The following LPP variants were observed in gnomAD, a reference collection of about 807,000 sequenced individuals.
LPP encodes the protein LIM domain containing preferred translocation partner in lipoma.
LPP carries 38 observed loss-of-function variants against 60.4 expected under a neutral mutation model. The observed-to-expected ratio is 0.63, with a 90% CI of 0.49 to 0.83. The LOEUF (loss-of-function observed/expected upper bound fraction) is 0.83. LPP is among the 40% of genes least tolerant of loss of function. The pLI, the probability that LPP is intolerant of heterozygous loss-of-function variation, is 0.00. For missense variants in LPP, 902 were observed against 783.6 expected, an observed-to-expected ratio of 1.15 and a Z score of -1.80; for synonymous variants, 328 against 290.8, an observed-to-expected ratio of 1.13 and a Z score of -1.30.
intron 4 of LPP, among the ~76,000 whole-genome samples, chr3:188,464,620 T>C (rs1012856308): frequency 6.6e-6 from 1 of 152,170 alleles, no homozygotes; most frequent in African/African-American, 2.4e-5. Flanking sequence ...CATTCAGATA[T>C]CACGTTTTAA....
chr3:188,732,716 CAAAAAAAAAA>C (rs1167795146), intron 8 of LPP, among the ~76,000 whole-genome samples: 1 of 74,318 alleles, frequency 1.3e-5, no homozygotes, highest in African/African-American at 5.6e-5. Context: ...AGACTCTTAT[CAAAAAAAAAA>C]AAAAAAAAAA....
intron 5 of LPP, among the ~76,000 whole-genome samples, chr3:188,494,541 G>A (rs554419420): frequency 6.6e-6 from 1 of 152,022 alleles, no homozygotes; most frequent in African/African-American, 2.4e-5. Flanking sequence ...AAAGAGCCTT[G>A]CCCCACCCCT....
intron 4 of LPP, among the ~76,000 whole-genome samples, chr3:188,432,943 G>T (rs1032449598): frequency 1.3e-5 from 2 of 152,144 alleles, no homozygotes; most frequent in Admixed American, 6.6e-5. Context: ...GGACCTTTAA[G>T]GTATTCTGCC....
chr3:188,399,553 T>G (rs572889623), intron 3 of LPP, among the ~76,000 whole-genome samples: 23 of 152,330 alleles, frequency 1.5e-4, no homozygotes, highest in African/African-American at 5.3e-4. Context: ...TATCATTCAT[T>G]TATTCAGTGC....
intron 7 of LPP, among the ~76,000 whole-genome samples, chr3:188,634,478 C>A (rs968664845): frequency 6.6e-6 from 1 of 152,194 alleles, no homozygotes; most frequent in African/African-American, 2.4e-5. Flanking sequence ...CTCTACCAGT[C>A]CGTGACCTGT....
chr3:188,190,433 A>C (rs1727840415), intron 1 of LPP, among the ~76,000 whole-genome samples: 1 of 152,114 alleles, frequency 6.6e-6, no homozygotes, highest in African/African-American at 2.4e-5. Flanking sequence ...GGCTGCTGGT[A>C]AGTGAGGGAG....
intron 7 of LPP, among the ~76,000 whole-genome samples, chr3:188,675,078 C>CA (rs5855217): frequency 0.99 from 150,783 of 152,322 alleles, 74,640 homozygotes; most frequent in East Asian, 1. Flanking sequence ...GAAATTTCTC[C>CA]CACAGCATTA....
chr3:188,489,298 C>G (rs1807606621), intron 5 of LPP, among the ~76,000 whole-genome samples: 1 of 152,102 alleles, frequency 6.6e-6, no homozygotes, highest in South Asian at 2.1e-4. Flanking sequence ...ATACATTGAT[C>G]AGAAGCATAA....
chr3:188,822,216 CG>C (rs753364116), intron 9 of LPP, among the ~76,000 whole-genome samples: 23 of 151,924 alleles, frequency 1.5e-4, no homozygotes, highest in Non-Finnish European at 2.8e-4. Flanking sequence ...TAAATGATGA[CG>C]GGGCTCTTTG....
chr3:188,412,781 G>A (rs770870738), intron 4 of LPP, among the ~76,000 whole-genome samples: 1 of 152,090 alleles, frequency 6.6e-6, no homozygotes, highest in African/African-American at 2.4e-5. Flanking sequence ...GATCAAGATA[G>A]GTGAGGTGAA....
At chr3:188,638,409 T>C (rs1849302156) in intron 7 of LPP, among the ~76,000 whole-genome samples, 2 of 144,078 alleles carry the variant, frequency 1.4e-5, no homozygotes, top group Non-Finnish European at 3.1e-5. Context: ...GCCAATATCA[T>C]ACTGAATGGG....
chr3:188,154,775 C>T (rs1715694577), intron 1 of LPP, among the ~76,000 whole-genome samples: 1 of 152,184 alleles, frequency 6.6e-6, no homozygotes, highest in African/African-American at 2.4e-5. Flanking sequence ...AGACCCTGTG[C>T]TGGGTGTATT....
At chr3:188,561,052 T>C (rs2150672334) in intron 6 of LPP, among the ~76,000 whole-genome samples, 1 of 152,182 alleles carries the variant, frequency 6.6e-6, no homozygotes, top group African/African-American at 2.4e-5. Context: ...TGATTTCCAA[T>C]CCAAGTTTGA....
At chr3:188,402,290 A>T (rs942055882) in intron 3 of LPP, among the ~76,000 whole-genome samples, 1 of 152,234 alleles carries the variant, frequency 6.6e-6, no homozygotes, top group African/African-American at 2.4e-5. Context: ...TATTATGATT[A>T]TATGTACACA....
intron 2 of LPP, among the ~76,000 whole-genome samples, chr3:188,251,569 G>A (rs2149577577): frequency 6.6e-6 from 1 of 152,148 alleles, no homozygotes; most frequent in South Asian, 2.1e-4. Context: ...ATATATGGGT[G>A]CATATACAAA....
At chr3:188,526,787 T>A (rs1347863843) in intron 6 of LPP, among the ~76,000 whole-genome samples, 1 of 152,134 alleles carries the variant, frequency 6.6e-6, no homozygotes, top group Admixed American at 6.5e-5. Flanking sequence ...TAGAAGGCAC[T>A]GTGGTCTTTT....
At chr3:188,566,858 A>G (rs1832292178) in intron 6 of LPP, among the ~76,000 whole-genome samples, 1 of 151,820 alleles carries the variant, frequency 6.6e-6, no homozygotes, top group African/African-American at 2.4e-5. Context: ...CAAATACACT[A>G]TCATTTCCAG....
rs965160396 is a variant in LPP at position 188,877,395 on chromosome 3, G to T, written c.*2916G>T. On this transcript the variant is annotated 3_prime_UTR_variant, in exon 12 of 12. Coordinates refer to ENST00000617246, the MANE Select transcript of LPP (RefSeq NM_001375462.1). ...AAAGTATCAGGAATATAAATATTTG[G>T]TAATTCTGTGTAACAAGAGAGACAT... 2.2e-5 allele frequency: 4 copies of T among 183,076 alleles called. No individual in the cohort carries two copies. Among genetic ancestry groups the T allele is most frequent in the Non-Finnish European group, 4.6e-5 (4 of 86,144 alleles). The allele number at this position is 183,076 out of a possible 1,614,324, so 11.3% of individuals were successfully genotyped here. A position where few individuals can be genotyped will look rare whatever the true frequency, so the allele number is the denominator to read the frequency against.
intron 1 of LPP, chr3:188,179,718 T>G (rs1406996892): frequency 5.7e-6 from 2 of 350,384 alleles, no homozygotes; most frequent in Non-Finnish European, 1.1e-5. Context: ...TTGTGAGAAA[T>G]GGGCATCCTG....
Sources: allele counts gnomAD v4.1 joint callset (sites outside exome capture counted in the v4.1 genomes callset), GRCh38; gene constraint gnomAD v4.1.1; transcripts MANE v1.5; gene names NCBI Gene and HGNC (gene_info 2026-07-23, HGNC 2026-07-21).